Variants in TRPC5 observed in about 807,000 individuals in gnomAD.
TRPC5 encodes the protein transient receptor potential cation channel subfamily C member 5, also known as short transient receptor potential channel 5.
Under a neutral mutation model 56.5 loss-of-function variants are expected in TRPC5, and 9 were observed. The ratio of observed to expected loss-of-function variants is 0.16; its 90% CI spans 0.10 to 0.28. The LOEUF (loss-of-function observed/expected upper bound fraction) is 0.28. Among genes scored for constraint, TRPC5 ranks in the 10% least tolerant of loss-of-function variants. The pLI is 1.00. For synonymous variants in TRPC5, 282 were observed against 278.5 expected (o/e 1.01, Z -0.13); for missense variants, 469 against 748.9 (o/e 0.63, Z 4.36).
At chrX:112,031,249 G>C (rs1366202530) in intron 1 of TRPC5, among the ~76,000 whole-genome samples, 1 of 111,615 alleles carries the variant, frequency 9.0e-6, no homozygotes. Flanking sequence ...AAGAAAAGGG[G>C]ACAAAACCCC....
intron 2 of TRPC5, among the ~76,000 whole-genome samples, chrX:111,937,795 G>T (rs1394925564): frequency 1.9e-5 from 2 of 103,420 alleles, no homozygotes; most frequent in South Asian, 4.6e-4. Flanking sequence ...CTCCAGCTTT[G>T]TTCTTTTGGC....
intron 10 of TRPC5, among the ~76,000 whole-genome samples, chrX:111,778,551 G>A (rs1046624690): frequency 9.0e-6 from 1 of 111,692 alleles, no homozygotes; most frequent in Non-Finnish European, 1.9e-5. Flanking sequence ...AATGCCACTA[G>A]TATAATTTTA....
chrX:111,845,194 C>T (rs756915129), intron 6 of TRPC5, among the ~76,000 whole-genome samples: 99 of 111,597 alleles, frequency 8.9e-4, no homozygotes, highest in Non-Finnish European at 1.5e-3. Flanking sequence ...GCTGGGATCA[C>T]GCCACTGTAC....
intron 7 of TRPC5, among the ~76,000 whole-genome samples, chrX:111,815,318 C>T (rs1014749612): frequency 9.0e-6 from 1 of 111,563 alleles, no homozygotes; most frequent in Non-Finnish European, 1.9e-5. Flanking sequence ...AAATTATGCT[C>T]TGGGGGTGGG....
At position 111,772,196 on chromosome X, in the gene TRPC5, T is replaced by A. The variant is rs1415943922; in HGVS notation, c.*4117A>T. On this transcript the variant is annotated 3_prime_UTR_variant, in exon 11 of 11. Coordinates refer to ENST00000262839, the MANE Select transcript of TRPC5 (RefSeq NM_012471.3). ...GTACTCAGATCCCACTGCCGAGTCC[T>A]ACACCAACAAGGTGGATATTTGGAG... is the stretch of plus-strand genomic sequence containing the variant. Among the ~76,000 whole-genome samples, 2 of 111,730 alleles carry A rather than the reference T, an allele frequency of 1.8e-5. No homozygotes were observed. Among genetic ancestry groups the A allele is most frequent in the African/African-American group, 6.5e-5 (2 of 30,765 alleles).
intron 1 of TRPC5, among the ~76,000 whole-genome samples, chrX:112,074,299 T>TTATATA (rs749020277): frequency 1.0e-5 from 1 of 100,052 alleles, no homozygotes; most frequent in African/African-American, 4.2e-5. Context: ...TTTTATTTTA[T>TTATATA]TATATATATA....
At chrX:111,778,397 T>C (rs925299259) in intron 10 of TRPC5, among the ~76,000 whole-genome samples, 2 of 111,626 alleles carry the variant, frequency 1.8e-5, no homozygotes, top group African/African-American at 3.3e-5. Context: ...TGTGGGAGAC[T>C]GTACTATTCA....
intron 3 of TRPC5, among the ~76,000 whole-genome samples, chrX:111,905,932 G>GAAAAAAAAA (rs60137773): frequency 8.6e-5 from 8 of 93,510 alleles, no homozygotes; most frequent in African/African-American, 3.1e-4. Flanking sequence ...AAAAAAAAAA[G>GAAAAAAAAA]AAAGAAAGAA....
chrX:112,016,134 T>C (rs1378836782), intron 1 of TRPC5, among the ~76,000 whole-genome samples: 1 of 111,717 alleles, frequency 9.0e-6, no homozygotes, highest in Non-Finnish European at 1.9e-5. Flanking sequence ...AATTATTCTC[T>C]ACAAAGATGG....
At chrX:111,962,423 A>C (rs1040023784) in intron 1 of TRPC5, among the ~76,000 whole-genome samples, 2 of 112,242 alleles carry the variant, frequency 1.8e-5, no homozygotes, top group Non-Finnish European at 3.8e-5. Context: ...GTGGGAAAGA[A>C]AGATTGAGGA....
rs1222664267 is a variant in TRPC5, at chrX:111,776,242, C to G, written c.*71G>C. The G allele has an allele frequency of 3.9e-6, 4 of 1,018,055 alleles. No individual in the cohort carries two copies. The highest frequency in any genetic ancestry group is 3.8e-5 in the African/African-American group (2 of 52,272). The allele number at this position is 1,018,055 out of a possible 1,213,427, so 83.9% of individuals were successfully genotyped here. ...GCAGGGGCAGTGAGGGAATCATATT[C>G]TGTGTCACCTCTGAGAGCAAGGAAA... On this transcript the variant is annotated 3_prime_UTR_variant, in exon 11 of 11. Transcript: ENST00000262839.
chrX:111,771,165 G>A lies in TRPC5; in HGVS notation c.*5148C>T, dbSNP rs1178396835. ...CTACTTTCAGGGATGTATGACAGTT[G>A]ATTTCAATGATCAAAAGTTGTGGGC... On this transcript the variant is annotated 3_prime_UTR_variant, in exon 11 of 11. Transcript: ENST00000262839. Among the ~76,000 whole-genome samples, 3 of 111,425 alleles carry A rather than the reference G, an allele frequency of 2.7e-5. No individual in the cohort carries two copies. The highest frequency in any genetic ancestry group is 9.8e-5 in the African/African-American group (3 of 30,636).
Position 111,776,570 on chromosome X carries a change from C to G in TRPC5, c.2665G>C (p.Gly889Arg), listed in dbSNP as rs1409839854. The G allele has an allele frequency of 1.7e-6, 2 of 1,210,225 alleles. No individual in the cohort carries two copies. Among genetic ancestry groups the G allele is most frequent in the African/African-American group, 3.5e-5 (2 of 57,227 alleles). Residue 889 changes from glycine to arginine, a missense_variant, in exon 11 of 11, where the codon GGG becomes CGG. By Grantham distance (125) the Gly-to-Arg change is moderately radical. This residue lies in a region of TRPC5 where 194 missense variants were observed against 221.8 expected (regional missense o/e 0.87). Coordinates refer to ENST00000262839, the MANE Select transcript of TRPC5 (RefSeq NM_012471.3). ...CTTTGAGAACAGGCCTCTGCTTTCC[C>G]TTTCTCCATCTGAGAATATCTGATG... Reference protein sequence around the residue: ...QDIRYSQMEKGKAEACSQSEI... With the variant: ...QDIRYSQMEKRKAEACSQSEI...
chrX:111,893,055 G>A (rs187729176), intron 3 of TRPC5, among the ~76,000 whole-genome samples: 24 of 107,909 alleles, frequency 2.2e-4, no homozygotes, highest in Admixed American at 2.1e-3. Context: ...TTAGTAAGTG[G>A]TGAAGTTGAA....
At chrX:111,967,188 GACAA>G (rs1218291514) in intron 1 of TRPC5, among the ~76,000 whole-genome samples, 1 of 111,426 alleles carries the variant, frequency 9.0e-6, no homozygotes, top group Non-Finnish European at 1.9e-5. Context: ...ACCAATAACA[GACAA>G]ACAGAGAGCC....
At chrX:112,002,704 T>C (rs1358825868) in intron 1 of TRPC5, among the ~76,000 whole-genome samples, 3 of 111,481 alleles carry the variant, frequency 2.7e-5, no homozygotes, top group Non-Finnish European at 5.6e-5. Context: ...TTTTCAAATT[T>C]GACAAAAATT....
intron 1 of TRPC5, among the ~76,000 whole-genome samples, chrX:112,048,588 C>T (rs1930132715): frequency 9.1e-6 from 1 of 110,119 alleles, no homozygotes; most frequent in Non-Finnish European, 1.9e-5. Context: ...GAAGGATTAC[C>T]ACATCAGCTA....
chrX:111,805,573 G>C (rs915325471), intron 7 of TRPC5, among the ~76,000 whole-genome samples: 2 of 111,741 alleles, frequency 1.8e-5, no homozygotes, highest in East Asian at 5.6e-4. Context: ...TTTTGAGACA[G>C]AAAATAAGTA....
At chrX:111,840,524 C>CG (rs1335515898) in intron 6 of TRPC5, among the ~76,000 whole-genome samples, 1 of 112,158 alleles carries the variant, frequency 8.9e-6, no homozygotes, top group Non-Finnish European at 1.9e-5. Flanking sequence ...TTTTGATCCA[C>CG]GGATGATTGA....
Sources: allele counts gnomAD v4.1 joint callset (sites outside exome capture counted in the v4.1 genomes callset), GRCh38; gene constraint gnomAD v4.1.1; regional missense constraint gnomAD v4.1.1; transcripts MANE v1.5; gene names NCBI Gene and HGNC (gene_info 2026-07-23, HGNC 2026-07-21).